EHBP1: variants seen among roughly 807,000 people sequenced by gnomAD.
EHBP1 encodes the protein EH domain binding protein 1.
A neutral mutation model predicts 144.0 loss-of-function variants in EHBP1; 55 were observed. The observed-to-expected ratio is 0.38, with a 90% confidence interval of 0.31 to 0.48. The LOEUF is 0.48. Among genes scored for constraint, EHBP1 ranks in the 20% least tolerant of loss-of-function variants. The pLI is 0.98. For missense variants in EHBP1, 1,200 were observed against 1,364.2 expected (o/e 0.88, Z 1.90); for synonymous variants, 469 against 472.7 (o/e 0.99, Z 0.10).
chr2:62,947,068 A>G (rs1406163598), intron 12 of EHBP1, among the ~76,000 whole-genome samples: 2 of 152,192 alleles, frequency 1.3e-5, no homozygotes, highest in African/African-American at 4.8e-5. Context: ...AGTTGTCAAG[A>G]CACATGAAAA....
intron 6 of EHBP1, 46 bp from the exon 7 acceptor site, chr2:62,830,973 A>T: frequency 6.4e-7 from 1 of 1,566,580 alleles, no homozygotes; most frequent in Non-Finnish European, 8.6e-7. Context: ...TCATTTTTCT[A>T]ACTGTCATTT....
rs749581177 is a variant in EHBP1, at chr2:63,011,173, G to A, written c.3103+14407G>A. Among the ~76,000 whole-genome samples, 101 of 148,922 alleles carry A rather than the reference G, an allele frequency of 6.8e-4. 1 individual carries two copies. The highest frequency in any genetic ancestry group is 1.4e-3 in the Non-Finnish European group (94 of 67,116). Reference sequence around the variant, plus strand: ...AAAAAAAAAAAAAAAAAGTTTAACAGGCAAACATTCACATGGGCACGTTGA... The same window carrying A: ...AAAAAAAAAAAAAAAAAGTTTAACAAGCAAACATTCACATGGGCACGTTGA... On this transcript the variant is annotated intron_variant, in intron 19 of 22. Coordinates refer to ENST00000431489, the MANE Select transcript of EHBP1 (RefSeq NM_001142616.3).
chr2:62,859,341 T>G, intron 8 of EHBP1, 50 bp downstream of exon 8: 1 of 1,533,104 alleles, frequency 6.5e-7, no homozygotes, highest in East Asian at 2.3e-5. Context: ...CAAGTTGACT[T>G]GAACTGTAAG....
At chr2:62,739,935 G>GAAAAAAA (rs66665657) in intron 2 of EHBP1, among the ~76,000 whole-genome samples, 1 of 97,120 alleles carries the variant, frequency 1.0e-5, no homozygotes, top group Non-Finnish European at 2.1e-5. Context: ...GCCTGTCTCA[G>GAAAAAAA]AAAAAAAAAA....
At chr2:62,765,840 T>G (rs2041136640) in intron 4 of EHBP1, among the ~76,000 whole-genome samples, 3 of 152,198 alleles carry the variant, frequency 2.0e-5, no homozygotes, top group Non-Finnish European at 2.9e-5. Flanking sequence ...TGCATCACAC[T>G]GTATTACTTG....
chr2:62,704,841 T>A (rs1364018328), upstream of EHBP1, among the ~76,000 whole-genome samples: 1 of 152,176 alleles, frequency 6.6e-6, no homozygotes. Flanking sequence ...CCTTGGCTCT[T>A]TTAACAAGAT....
intron 19 of EHBP1, among the ~76,000 whole-genome samples, chr2:63,004,757 G>A (rs1394004893): frequency 1.3e-5 from 2 of 151,916 alleles, no homozygotes; most frequent in Non-Finnish European, 2.9e-5. Flanking sequence ...ATTTTGTGGT[G>A]CTAGAATTAG....
chr2:62,916,765 G>A (rs2054649065), intron 10 of EHBP1, among the ~76,000 whole-genome samples: 1 of 148,502 alleles, frequency 6.7e-6, no homozygotes, highest in Admixed American at 6.8e-5. Context: ...TTATAATATT[G>A]TGTATGTTAT....
chr2:62,986,154 T>C (rs2059179868), intron 15 of EHBP1, among the ~76,000 whole-genome samples: 1 of 152,202 alleles, frequency 6.6e-6, no homozygotes, highest in Non-Finnish European at 1.5e-5. Context: ...GCTGAGGAAG[T>C]ATTCTGAACA....
intron 10 of EHBP1, among the ~76,000 whole-genome samples, chr2:62,877,194 A>C (rs1009197471): frequency 6.6e-6 from 1 of 152,164 alleles, no homozygotes; most frequent in Non-Finnish European, 1.5e-5. Flanking sequence ...AAAAAAGAGG[A>C]GGGGTTGCTA....
In EHBP1 at chr2:62,724,719, T is replaced by A. The variant is rs2036574996; in HGVS notation, c.104+17424T>A. Among the ~76,000 whole-genome samples, 3 of 151,866 alleles carry A rather than the reference T, an allele frequency of 2.0e-5. No individual in the cohort carries two copies. The South Asian group carries it at 6.2e-4, about 32-fold the overall frequency. On this transcript the variant is annotated intron_variant, in intron 2 of 22. Coordinates refer to ENST00000431489, the MANE Select transcript of EHBP1 (RefSeq NM_001142616.3). Reference sequence around the variant, plus strand: ...CCCCTGGGCCATGGACTAGTACCAGTCTATGGCCTGTTGGGAACTGGGCTG... The same window carrying A: ...CCCCTGGGCCATGGACTAGTACCAGACTATGGCCTGTTGGGAACTGGGCTG...
intron 2 of EHBP1, among the ~76,000 whole-genome samples, chr2:62,745,491 GT>G (rs1558593532): frequency 6.6e-6 from 1 of 151,796 alleles, no homozygotes; most frequent in African/African-American, 2.4e-5. Flanking sequence ...GGAAGAGGAA[GT>G]TTTTTTGTGT....
At chr2:62,818,134 G>T (rs1040198061) in intron 5 of EHBP1, among the ~76,000 whole-genome samples, 7 of 143,884 alleles carry the variant, frequency 4.9e-5, no homozygotes, top group Non-Finnish European at 9.1e-5. Flanking sequence ...AGTAACATGA[G>T]TGGAGCTTGC....
intron 2 of EHBP1, among the ~76,000 whole-genome samples, chr2:62,720,609 T>G (rs2036135097): frequency 6.6e-6 from 1 of 152,240 alleles, no homozygotes; most frequent in South Asian, 2.1e-4. Context: ...ATGGTTCAGC[T>G]TTAATTTGAA....
chr2:62,850,943 G>A (rs927719899), intron 7 of EHBP1, among the ~76,000 whole-genome samples: 1 of 152,238 alleles, frequency 6.6e-6, no homozygotes, highest in Admixed American at 6.5e-5. Context: ...ATTTGCATGG[G>A]AAGTTTCACC....
At chr2:62,966,552 T>C (rs982165465) in intron 14 of EHBP1, among the ~76,000 whole-genome samples, 1 of 152,200 alleles carries the variant, frequency 6.6e-6, no homozygotes, top group Non-Finnish European at 1.5e-5. Context: ...AAGAGAGTTA[T>C]GTATTATTTG....
Position 62,948,852 on chromosome 2 carries a change from A to G in EHBP1, c.2006A>G (p.Asp669Gly), listed in dbSNP as rs193173537. ...TLELSDLYVS[D>G]KKKDMSPPFI... ...GAATTGAGTGACTTATATGTTAGTG[A>G]TAAGAAGAAGGATATGTCTCCACCC... is the stretch of plus-strand genomic sequence containing the variant. Residue 669 changes from aspartate (D) to glycine (G), a missense_variant, in exon 13 of 23, where the codon GAT (aspartate) becomes GGT (glycine). Physicochemically the swap from Asp to Gly is moderately conservative, Grantham distance 94. Transcript: ENST00000431489. 1.2e-6 allele frequency: 2 copies of G among 1,614,136 alleles called. No homozygotes were observed. The highest frequency in any genetic ancestry group is 1.3e-5 in the African/African-American group (1 of 75,054).
chr2:62,762,878 G>A (rs2040872968), intron 3 of EHBP1, among the ~76,000 whole-genome samples: 1 of 152,078 alleles, frequency 6.6e-6, no homozygotes, highest in Non-Finnish European at 1.5e-5. Flanking sequence ...AAACCCTCCA[G>A]TGGCTTCCCA....
chr2:62,975,225 A>G (rs2058659370), intron 14 of EHBP1, among the ~76,000 whole-genome samples: 1 of 152,198 alleles, frequency 6.6e-6, no homozygotes, highest in Non-Finnish European at 1.5e-5. Flanking sequence ...CAGAAAGAGG[A>G]CAGAATATAA....
Sources: gnomAD v4.1 joint callset for allele counts (sites outside exome capture counted in the v4.1 genomes callset) on GRCh38, gnomAD v4.1.1 for gene constraint, MANE v1.5 for transcripts, NCBI Gene and HGNC (gene_info 2026-07-23, HGNC 2026-07-21) for gene names.